Variants in EFNA5 observed in about 807,000 individuals in gnomAD.
EFNA5 encodes ephrin-A5.
A neutral mutation model predicts 22.9 loss-of-function variants in EFNA5; 5 were observed. The observed-to-expected ratio is 0.22, with a 90% CI of 0.11 to 0.46. The LOEUF is 0.46. EFNA5 is among the 20% of genes least tolerant of loss of function. The pLI is 0.99. For synonymous variants in EFNA5, 113 were observed against 112.2 expected (o/e 1.01, Z -0.04); for missense variants, 237 against 293.3 (o/e 0.81, Z 1.40).
intron 1 of EFNA5, among the ~76,000 whole-genome samples, chr5:107,636,580 T>A (rs1750377379): frequency 6.6e-6 from 1 of 152,244 alleles, no homozygotes; most frequent in Non-Finnish European, 1.5e-5. Flanking sequence ...CTGTTTAAGG[T>A]ATGTATTTCC....
intron 1 of EFNA5, among the ~76,000 whole-genome samples, chr5:107,524,554 G>C (rs1747657422): frequency 6.6e-6 from 1 of 152,324 alleles, no homozygotes; most frequent in Non-Finnish European, 1.5e-5. Flanking sequence ...CTGGCAAACA[G>C]AGAAGAAGAA....
At chr5:107,553,649 A>T (rs943354056) in intron 1 of EFNA5, among the ~76,000 whole-genome samples, 3 of 152,180 alleles carry the variant, frequency 2.0e-5, no homozygotes, top group Non-Finnish European at 4.4e-5. Flanking sequence ...AAGACACTCT[A>T]CTTTGTGGCC....
At chr5:107,446,729 G>C (rs188157156) in intron 1 of EFNA5, among the ~76,000 whole-genome samples, 256 of 151,806 alleles carry the variant, frequency 1.7e-3, no homozygotes, top group Middle Eastern at 6.8e-3. Context: ...ACTCCAGCCT[G>C]GGTGACAAAA....
intron 2 of EFNA5, among the ~76,000 whole-genome samples, chr5:107,415,981 T>C (rs1473185192): frequency 6.6e-6 from 1 of 152,224 alleles, no homozygotes; most frequent in Non-Finnish European, 1.5e-5. Flanking sequence ...CTATTGATTC[T>C]GTTAATGAAA....
chr5:107,660,310 A>ATATATT (rs1750926185), intron 1 of EFNA5, among the ~76,000 whole-genome samples: 1 of 102,238 alleles, frequency 9.8e-6, no homozygotes, highest in Non-Finnish European at 1.9e-5. Flanking sequence ...ATATATATAT[A>ATATATT]TATATTTGGC....
chr5:107,508,443 C>T (rs1263456201), intron 1 of EFNA5, among the ~76,000 whole-genome samples: 1 of 152,202 alleles, frequency 6.6e-6, no homozygotes, highest in African/African-American at 2.4e-5. Flanking sequence ...ACACTATTTC[C>T]ATCTGTGTCT....
chr5:107,486,379 C>T (rs1226197292), intron 1 of EFNA5, among the ~76,000 whole-genome samples: 1 of 152,064 alleles, frequency 6.6e-6, no homozygotes, highest in African/African-American at 2.4e-5. Context: ...TAATCAGGTT[C>T]AGGTAGCTAG....
chr5:107,452,602 T>C (rs976812746), intron 1 of EFNA5, among the ~76,000 whole-genome samples: 2 of 152,048 alleles, frequency 1.3e-5, no homozygotes, highest in Non-Finnish European at 2.9e-5. Flanking sequence ...GGTATGTATC[T>C]GTAGTCCCAG....
At chr5:107,508,636 G>A (rs1747299268) in intron 1 of EFNA5, among the ~76,000 whole-genome samples, 1 of 152,132 alleles carries the variant, frequency 6.6e-6, no homozygotes, top group Non-Finnish European at 1.5e-5. Context: ...CTTCAGCCTT[G>A]ATATAACAAT....
At position 107,403,319 on chromosome 5, in the gene EFNA5, T is replaced by C. The variant is rs193158121; in HGVS notation, c.419-15548A>G. ...GGACAGGAATAGACAGAAAATATTA[T>C]GTCTGCCAATGATTACAGTTTTTTT... On this transcript the variant is annotated intron_variant, in intron 2 of 4. Transcript: ENST00000333274. 4.9e-3 allele frequency among the ~76,000 whole-genome samples: 740 copies of C among 152,370 alleles called. 7 individuals are homozygous for C. The highest frequency in any genetic ancestry group is 0.017 in the African/African-American group (710 of 41,584).
At chr5:107,616,589 C>A (rs1749920136) in intron 1 of EFNA5, among the ~76,000 whole-genome samples, 1 of 151,720 alleles carries the variant, frequency 6.6e-6, no homozygotes, top group African/African-American at 2.4e-5. Flanking sequence ...CAGAGCTGCT[C>A]GTGTGTGTGT....
intron 1 of EFNA5, among the ~76,000 whole-genome samples, chr5:107,649,759 T>C (rs988424350): frequency 6.6e-6 from 1 of 152,170 alleles, no homozygotes; most frequent in African/African-American, 2.4e-5. Context: ...ATAGCTAAAA[T>C]TTATTGACCA....
At chr5:107,488,081 T>C (rs1458141647) in intron 1 of EFNA5, among the ~76,000 whole-genome samples, 1 of 152,312 alleles carries the variant, frequency 6.6e-6, no homozygotes, top group East Asian at 1.9e-4. Flanking sequence ...AGAAAAATGG[T>C]GGTCTATTTA....
chr5:107,665,370 A>C (rs370994977), intron 1 of EFNA5, among the ~76,000 whole-genome samples: 2 of 152,336 alleles, frequency 1.3e-5, no homozygotes, highest in South Asian at 4.1e-4. Flanking sequence ...TCACAAGGTT[A>C]ATTTGCACCC....
chr5:107,453,249 T>C (rs760973884), intron 1 of EFNA5, among the ~76,000 whole-genome samples: 15 of 152,168 alleles, frequency 9.9e-5, no homozygotes, highest in Admixed American at 2.6e-4. Context: ...ATTAAAAGAA[T>C]TGATAAAAAT....
chr5:107,650,500 A>G (rs192304322), intron 1 of EFNA5, among the ~76,000 whole-genome samples: 206 of 152,336 alleles, frequency 1.4e-3, no homozygotes, highest in African/African-American at 4.8e-3. Context: ...AAAATAACGC[A>G]GAGTCACTTC....
intron 1 of EFNA5, among the ~76,000 whole-genome samples, chr5:107,489,347 T>C (rs1746735288): frequency 6.6e-6 from 1 of 152,046 alleles, no homozygotes; most frequent in Non-Finnish European, 1.5e-5. Flanking sequence ...CTAATTATTG[T>C]ATTTTTAGTA....
chr5:107,467,459 A>G (rs1454470302), intron 1 of EFNA5, among the ~76,000 whole-genome samples: 2 of 152,234 alleles, frequency 1.3e-5, no homozygotes, highest in African/African-American at 2.4e-5. Flanking sequence ...TGACAATAAT[A>G]TGTACATTCA....
intron 1 of EFNA5, among the ~76,000 whole-genome samples, chr5:107,468,051 T>C (rs1010648818): frequency 6.6e-6 from 1 of 152,218 alleles, no homozygotes; most frequent in African/African-American, 2.4e-5. Flanking sequence ...ATGCTCAATA[T>C]CACTGACATC....
Sources: gnomAD v4.1 joint callset for allele counts (sites outside exome capture counted in the v4.1 genomes callset) on GRCh38, gnomAD v4.1.1 for gene constraint, MANE v1.5 for transcripts, NCBI Gene and HGNC (gene_info 2026-07-23, HGNC 2026-07-21) for gene names.